Variants in NEBL observed in about 807,000 individuals in gnomAD.
NEBL encodes LIM and SH3 protein 2.
A neutral mutation model predicts 140.2 loss-of-function variants in NEBL; 122 were observed. The observed-to-expected ratio is 0.87, with a 90% CI of 0.75 to 1.01. The LOEUF (loss-of-function observed/expected upper bound fraction) is 1.01, where lower values mean the gene tolerates loss of function less well. Among genes scored for constraint, NEBL ranks in the 50% least tolerant of loss-of-function variants. The pLI, the probability that NEBL is intolerant of heterozygous loss-of-function variation, is 0.00. For synonymous variants in NEBL, 436 were observed against 398.9 expected (o/e 1.09, Z -1.11); for missense variants, 1,365 against 1,231.3 (o/e 1.11, Z -1.62).
chr10:20,993,046 G>T (rs1837529653), intron 3 of NEBL, among the ~76,000 whole-genome samples: 1 of 151,902 alleles, frequency 6.6e-6, no homozygotes, highest in African/African-American at 2.4e-5. Flanking sequence ...GCCTCCCAAA[G>T]TGCTGGGATT....
intron 3 of NEBL, among the ~76,000 whole-genome samples, chr10:20,978,048 T>C (rs1165010227): frequency 6.6e-6 from 1 of 152,242 alleles, no homozygotes; most frequent in Non-Finnish European, 1.5e-5. Flanking sequence ...ATCTTTTTTG[T>C]TTATTTAAAT....
At chr10:21,039,151 T>G (rs1022884092) in intron 2 of NEBL, among the ~76,000 whole-genome samples, 4 of 149,146 alleles carry the variant, frequency 2.7e-5, no homozygotes, top group African/African-American at 1.0e-4. Context: ...GTTACTTGCA[T>G]AAATTTTCTC....
intron 3 of NEBL, among the ~76,000 whole-genome samples, chr10:21,242,550 C>T (rs1842454303): frequency 6.6e-6 from 1 of 152,102 alleles, no homozygotes. Flanking sequence ...ACACCAAACC[C>T]CCATGACACA....
chr10:21,094,781 G>T (rs1421131604), intron 2 of NEBL, among the ~76,000 whole-genome samples: 1 of 152,144 alleles, frequency 6.6e-6, no homozygotes, highest in Non-Finnish European at 1.5e-5. Flanking sequence ...ACAAAGCAAG[G>T]TCACCTCTTT....
chr10:20,795,777 T>G (rs1336023918), intron 26 of NEBL, among the ~76,000 whole-genome samples: 1 of 152,184 alleles, frequency 6.6e-6, no homozygotes, highest in Non-Finnish European at 1.5e-5. Flanking sequence ...AGTCACTGTG[T>G]ACAACGCTGC....
chr10:20,849,436 G>GT (rs1430028307), intron 11 of NEBL, among the ~76,000 whole-genome samples: 1 of 152,150 alleles, frequency 6.6e-6, no homozygotes, highest in African/African-American at 2.4e-5. Context: ...ACGCAACACT[G>GT]TTGGGGGGTG....
intron 8 of NEBL, 80 bp from the exon 9 acceptor site, chr10:20,858,424 C>G (rs1843315565): frequency 1.7e-6 from 2 of 1,196,768 alleles, no homozygotes; most frequent in East Asian, 4.9e-5. Context: ...TTTCATACAT[C>G]ATAAAGTAGG....
At chr10:20,856,639 G>A (rs1454844596) in intron 9 of NEBL, among the ~76,000 whole-genome samples, 2 of 152,088 alleles carry the variant, frequency 1.3e-5, no homozygotes, top group Non-Finnish European at 2.9e-5. Flanking sequence ...AATGTAAAAA[G>A]AGGTGTGGGA....
At chr10:20,795,122 A>AGC (rs1238833628) in intron 26 of NEBL, among the ~76,000 whole-genome samples, 6 of 141,474 alleles carry the variant, frequency 4.2e-5, no homozygotes. Context: ...AATTCAGAAA[A>AGC]GTGTAAGAGT....
At chr10:21,110,323 T>C (rs963807671) in intron 2 of NEBL, among the ~76,000 whole-genome samples, 7 of 152,168 alleles carry the variant, frequency 4.6e-5, no homozygotes, top group Admixed American at 4.6e-4. Context: ...TGTTCTTAAA[T>C]ACAAATTTAA....
chr10:20,852,031 TTAAAG>T (rs774698269), intron 10 of NEBL, among the ~76,000 whole-genome samples: 13 of 152,150 alleles, frequency 8.5e-5, no homozygotes, highest in Non-Finnish European at 1.6e-4. Context: ...AATAACGACT[TTAAAG>T]TATGCTAGAG....
At chr10:21,128,061 G>T (rs2132062071) in intron 2 of NEBL, among the ~76,000 whole-genome samples, 1 of 152,220 alleles carries the variant, frequency 6.6e-6, no homozygotes, top group Middle Eastern at 3.4e-3. Flanking sequence ...TTGTAAAAAG[G>T]AAGTTAATGA....
chr10:21,268,671 G>T (rs552215275), intron 1 of NEBL, among the ~76,000 whole-genome samples: 1 of 151,696 alleles, frequency 6.6e-6, no homozygotes, highest in Non-Finnish European at 1.5e-5. Context: ...TTACAGACAC[G>T]TGCCACCATG....
chr10:21,026,174 C>CCCATGTTTTCATA (rs1839021534), intron 2 of NEBL, among the ~76,000 whole-genome samples: 1 of 152,092 alleles, frequency 6.6e-6, no homozygotes, highest in African/African-American at 2.4e-5. Flanking sequence ...TTCTGTAAAA[C>CCCATGTTTTCATA]CCATGTTTTC....
intron 2 of NEBL, among the ~76,000 whole-genome samples, chr10:21,027,906 G>A (rs192016962): frequency 6.6e-6 from 1 of 152,184 alleles, no homozygotes; most frequent in Non-Finnish European, 1.5e-5. Flanking sequence ...GTTGTTTTAT[G>A]TCATTCAAAA....
At chr10:20,794,117 T>A (rs1308639103) in intron 26 of NEBL, among the ~76,000 whole-genome samples, 1 of 152,132 alleles carries the variant, frequency 6.6e-6, no homozygotes, top group Non-Finnish European at 1.5e-5. Flanking sequence ...AATTTGGAGG[T>A]TAGCGTGCAA....
intron 3 of NEBL, among the ~76,000 whole-genome samples, chr10:21,227,693 TTC>T (rs750620843): frequency 4.9e-4 from 45 of 90,992 alleles, no homozygotes; most frequent in African/African-American, 1.6e-3. Context: ...CTTCTTCTTC[TTC>T]TTCTTCTTCT....
At chr10:21,284,270 A>G (rs1299602255) in intron 1 of NEBL, among the ~76,000 whole-genome samples, 1 of 143,968 alleles carries the variant, frequency 6.9e-6, no homozygotes, top group Non-Finnish European at 1.5e-5. Flanking sequence ...ATTCAGTCTG[A>G]TGATATTTCC....
At chr10:21,019,022 G>A (rs569554574) in intron 3 of NEBL, among the ~76,000 whole-genome samples, 16 of 152,158 alleles carry the variant, frequency 1.1e-4, no homozygotes, top group South Asian at 4.2e-4. Context: ...GCAAGACTCC[G>A]TTCTCCCACC....
Sources: gnomAD v4.1 joint callset for allele counts (sites outside exome capture counted in the v4.1 genomes callset) on GRCh38, gnomAD v4.1.1 for gene constraint, MANE v1.5 for transcripts, NCBI Gene and HGNC (gene_info 2026-07-23, HGNC 2026-07-21) for gene names.